The following ZC3H11A variants were observed in gnomAD, a reference collection of about 807,000 sequenced individuals.
The protein encoded by ZC3H11A is zinc finger CCCH domain-containing protein 11A.
ZC3H11A carries 22 observed loss-of-function variants against 90.8 expected under a neutral mutation model. The observed-to-expected ratio is 0.24, with a 90% confidence interval of 0.17 to 0.35. ZC3H11A has a LOEUF of 0.35. Among genes scored for constraint, ZC3H11A ranks in the 10% least tolerant of loss-of-function variants. The probability of loss-of-function intolerance (pLI) is 1.00; values close to 1 mark genes in which losing one functional copy is unlikely to be tolerated. For missense variants in ZC3H11A, 701 were observed against 964.9 expected (o/e 0.73, Z 3.62); for synonymous variants, 294 against 339.8 (o/e 0.87, Z 1.48).
intron 12 of ZC3H11A, among the ~76,000 whole-genome samples, chr1:203,840,636 A>T (rs538843765): frequency 7.2e-5 from 9 of 125,798 alleles, no homozygotes; most frequent in Admixed American, 2.9e-4. Context: ...TTATTTATTT[A>T]TTTTATTTAT....
At chr1:203,851,517 AC>A (rs1689253678) in intron 17 of ZC3H11A, among the ~76,000 whole-genome samples, 1 of 152,068 alleles carries the variant, frequency 6.6e-6, no homozygotes. Context: ...TTTAGTAGTG[AC>A]AGGGTTTTGC....
Position 203,816,923 on chromosome 1 carries a change from T to A in ZC3H11A, c.-145-3T>A, listed in dbSNP as rs1168684844. The A allele has an allele frequency of 3.7e-6, 2 of 547,300 alleles. No homozygotes were observed. Among genetic ancestry groups the A allele is most frequent in the Non-Finnish European group, 6.5e-6 (2 of 307,056 alleles). The allele number at this position is 547,300 out of a possible 1,614,324, so 33.9% of individuals were successfully genotyped here. A position where few individuals can be genotyped will look rare whatever the true frequency, so the allele number is the denominator to read the frequency against. ...ATTTTAATTCATTGTCTCCTCATTT[T>A]AGGATTACAGTTTAAAGACAATTTC... On this transcript the variant is annotated splice_region_variant and splice_polypyrimidine_tract_variant and intron_variant, in intron 2 of 17. Transcript: ENST00000367210.
Position 203,849,759 on chromosome 1 carries a change from A to G in ZC3H11A, c.1672A>G (p.Arg558Gly). Residue 558 changes from arginine to glycine, a missense_variant, in exon 15 of 18, where the codon AGA (arginine) becomes GGA (glycine). Physicochemically the swap from Arg to Gly is moderately radical, Grantham distance 125. Around this residue, in one of 4 missense-constraint regions of ZC3H11A, gnomAD observed 530 missense variants for 696.2 expected, o/e 0.76. Coordinates refer to ENST00000367210, the MANE Select transcript of ZC3H11A (RefSeq NM_001376342.1). The stretch of plus-strand genomic sequence containing the variant: ...TGACATCACTAAAATTCAAGTCAAG[A>G]GATGTGAGACCATGAGAGAGAAGCA... Reference protein sequence around the residue: ...GVDITKIQVKRCETMREKHMQ... With the variant: ...GVDITKIQVKGCETMREKHMQ... 1 of 1,613,960 alleles carries G rather than the reference A, an allele frequency of 6.2e-7. No individual in the cohort carries two copies. Among genetic ancestry groups the G allele is most frequent in the Non-Finnish European group, 8.5e-7 (1 of 1,179,864 alleles).
chr1:203,823,655 C>G (rs918189299), intron 4 of ZC3H11A, among the ~76,000 whole-genome samples: 2 of 152,208 alleles, frequency 1.3e-5, no homozygotes, highest in African/African-American at 4.8e-5. Flanking sequence ...CTAAGAGCTG[C>G]TATGCTAACT....
At chr1:203,849,397 T>A (rs1455212832) in intron 14 of ZC3H11A, among the ~76,000 whole-genome samples, 1 of 152,246 alleles carries the variant, frequency 6.6e-6, no homozygotes, top group African/African-American at 2.4e-5. Flanking sequence ...GATTTTGTTT[T>A]ACACAATTTA....
At chr1:203,825,091 A>G (rs938871899) in intron 4 of ZC3H11A, among the ~76,000 whole-genome samples, 2 of 151,580 alleles carry the variant, frequency 1.3e-5, no homozygotes, top group African/African-American at 2.4e-5. Flanking sequence ...AAAAAAAAAA[A>G]AAAAGAAAAT....
At position 203,853,277 on chromosome 1, in the gene ZC3H11A, C is replaced by T. The variant is rs912093960; in HGVS notation, c.*878C>T. ...TAACTCTCCCAACAAACCCCTGTTGCCCAGTATTTGTTTGGTGGCCTTTAA... is the reference window on the plus strand; with the variant it reads ...TAACTCTCCCAACAAACCCCTGTTGTCCAGTATTTGTTTGGTGGCCTTTAA... On this transcript the variant is annotated 3_prime_UTR_variant, in exon 18 of 18. Transcript: ENST00000367210. 9.2e-5 allele frequency: 14 copies of T among 152,590 alleles called. No homozygotes were observed. Among genetic ancestry groups the T allele is most frequent in the Admixed American group, 9.2e-4 (14 of 15,270 alleles). 9.5% of individuals were successfully genotyped at this position (152,590 alleles called of 1,614,324 possible).
chr1:203,812,159 CA>C (rs575966153), intron 2 of ZC3H11A, among the ~76,000 whole-genome samples: 86 of 152,214 alleles, frequency 5.6e-4, no homozygotes, highest in African/African-American at 2.0e-3. Flanking sequence ...GCAGGATGTG[CA>C]GGTTTGTTAC....
chr1:203,797,510 A>G, intron 1 of ZC3H11A: 1 of 1,475,522 alleles, frequency 6.8e-7, no homozygotes, highest in Non-Finnish European at 8.9e-7. Context: ...CGAATTGTGG[A>G]GACATAAAGA....
intron 16 of ZC3H11A, 119 bp from the exon 17 acceptor site, chr1:203,850,938 T>C: frequency 3.8e-6 from 5 of 1,299,450 alleles, no homozygotes; most frequent in Non-Finnish European, 1.1e-6. Flanking sequence ...TTATCGATTC[T>C]TAGATTCACA....
At position 203,807,205 on chromosome 1, in the gene ZC3H11A, A is replaced by G. The variant is rs370746196; in HGVS notation, c.-146+4189A>G. Among the ~76,000 whole-genome samples, 8 of 152,284 alleles carry G rather than the reference A, an allele frequency of 5.3e-5. No homozygotes were observed. In the East Asian group the frequency reaches 9.6e-4, roughly 18 times the overall value. ...ACTATTTTAATATACAGCTGGTTCAATTTGCTAATGCTTTATTTAGGATTT... is the reference window on the plus strand; with the variant it reads ...ACTATTTTAATATACAGCTGGTTCAGTTTGCTAATGCTTTATTTAGGATTT... On this transcript the variant is annotated intron_variant, in intron 2 of 17. Coordinates refer to ENST00000367210, the MANE Select transcript of ZC3H11A (RefSeq NM_001376342.1).
chr1:203,827,373 T>C (rs1680867648), intron 4 of ZC3H11A, among the ~76,000 whole-genome samples: 1 of 151,424 alleles, frequency 6.6e-6, no homozygotes, highest in African/African-American at 2.4e-5. Flanking sequence ...TTTCTCCCAA[T>C]TTTCCTTTAT....
Position 203,829,796 on chromosome 1 carries a change from A to G in ZC3H11A, c.519A>G (p.Glu173=), listed in dbSNP as rs374851141. 2 of 1,614,056 alleles carry G rather than the reference A, an allele frequency of 1.2e-6. No homozygotes were observed. The highest frequency in any genetic ancestry group is 1.7e-6 in the Non-Finnish European group (2 of 1,179,932). ...GATATATAGATCAGTTTTCTGAGGA[A>G]GGTGATGAAACCAAAACACCTACCC... ...DEDDDDQFSE[E]GDETKTPTLQ... is the part of the protein sequence containing the mutation. Residue 173 remains glutamate (E), a synonymous_variant, in exon 7 of 18, where the codon GAA becomes GAG. Transcript: ENST00000367210.
chr1:203,800,113 T>C lies in ZC3H11A; in HGVS notation c.-1587-1462T>C, dbSNP rs558452194. 263 of 1,536,146 alleles carry C rather than the reference T, an allele frequency of 1.7e-4. 1 individual carries two copies. The East Asian group carries it at 4.6e-3, about 27-fold the overall frequency. Reference sequence around the variant, plus strand: ...AAAAGCTTCATGTTCCCTTCTGCTGTAGCAGTTGTGGATGAGTACTTCAAA... The same window carrying C: ...AAAAGCTTCATGTTCCCTTCTGCTGCAGCAGTTGTGGATGAGTACTTCAAA... On this transcript the variant is annotated intron_variant, in intron 1 of 17. Transcript: ENST00000367210.
intron 2 of ZC3H11A, among the ~76,000 whole-genome samples, chr1:203,816,693 CTG>C (rs1239944946): frequency 6.6e-6 from 1 of 152,102 alleles, no homozygotes; most frequent in East Asian, 1.9e-4. Context: ...AATGCTGTAA[CTG>C]TGTAACAAGC....
chr1:203,818,789 G>T, intron 4 of ZC3H11A, 100 bp downstream of exon 4: 10 of 1,554,574 alleles, frequency 6.4e-6, no homozygotes, highest in South Asian at 1.2e-5. Context: ...ATATATTAAG[G>T]CTGAGTGCAG....
chr1:203,828,677 G>A (rs1681327053), intron 5 of ZC3H11A, among the ~76,000 whole-genome samples: 1 of 152,040 alleles, frequency 6.6e-6, no homozygotes, highest in African/African-American at 2.4e-5. Flanking sequence ...ACCCATAAAC[G>A]TTTTCAAAAT....
intron 2 of ZC3H11A, among the ~76,000 whole-genome samples, chr1:203,811,552 A>G (rs1398394580): frequency 1.3e-5 from 2 of 152,068 alleles, no homozygotes; most frequent in African/African-American, 4.8e-5. Context: ...TCTGTTGCCT[A>G]GTCTGGAGTG....
At chr1:203,848,703 C>T (rs1381479416) in intron 14 of ZC3H11A, among the ~76,000 whole-genome samples, 3 of 152,114 alleles carry the variant, frequency 2.0e-5, no homozygotes, top group African/African-American at 4.8e-5. Context: ...CTGGCTAACA[C>T]GGTGAAACCC....
Sources: allele counts gnomAD v4.1 joint callset (sites outside exome capture counted in the v4.1 genomes callset), GRCh38; gene constraint gnomAD v4.1.1; regional missense constraint gnomAD v4.1.1; transcripts MANE v1.5; gene names NCBI Gene and HGNC (gene_info 2026-07-23, HGNC 2026-07-21).